The following PCDHGB4 variants were observed in gnomAD, a reference collection of about 807,000 sequenced individuals.
PCDHGB4 encodes protocadherin gamma-B4.
In PCDHGB4, 38 loss-of-function variants were observed where a neutral mutation model predicts 60.5. The observed-to-expected ratio is 0.63, with a 90% confidence interval of 0.48 to 0.82. The LOEUF (loss-of-function observed/expected upper bound fraction) is 0.82, where lower values mean the gene tolerates loss of function less well. Ranked by LOEUF, PCDHGB4 falls within the 40% of genes least tolerant of loss-of-function variation. The pLI, the probability that PCDHGB4 is intolerant of heterozygous loss-of-function variation, is 0.00. For missense variants in PCDHGB4, 1,109 were observed against 1,209.6 expected, an observed-to-expected ratio of 0.92 and a Z score of 1.23; for synonymous variants, 456 against 509.7, an observed-to-expected ratio of 0.89 and a Z score of 1.42.
At position 141,389,670 on chromosome 5, in the gene PCDHGB4, T is replaced by A. The variant is rs2091868205; in HGVS notation, c.1786T>A (p.Ser596Thr). 3 of 1,612,454 alleles carry A rather than the reference T, an allele frequency of 1.9e-6. No homozygotes were observed. The East Asian group carries it at 6.7e-5, about 36-fold the overall frequency. The change falls in exon 1 of 4, where the codon TCA becomes ACA. Residue 596 changes from serine (S) to threonine (T), a missense_variant. Around this residue, in one of 2 missense-constraint regions of PCDHGB4, gnomAD observed 1,068 missense variants for 1,089.9 expected, o/e 0.98. Transcript: ENST00000519479. ...VTKVVAVDAD[S>T]GHNAWLSYHV... is the part of the protein sequence containing the mutation. The stretch of plus-strand genomic sequence containing the variant: ...CAAGGTAGTGGCGGTGGACGCAGAC[T>A]CAGGACACAACGCCTGGCTGTCCTA...
chr5:141,403,186 C>G, intron 1 of PCDHGB4: 2 of 1,614,012 alleles, frequency 1.2e-6, no homozygotes, highest in Non-Finnish European at 1.7e-6. Flanking sequence ...TCTCTCTGAA[C>G]CCGCGCAGCG....
At chr5:141,456,815 T>A (rs867637586) in intron 1 of PCDHGB4, among the ~76,000 whole-genome samples, 5 of 151,934 alleles carry the variant, frequency 3.3e-5, no homozygotes, top group Non-Finnish European at 7.4e-5. Flanking sequence ...ATACAAAAAA[T>A]TAGCCATCGT....
intron 1 of PCDHGB4, chr5:141,420,003 T>C: frequency 6.2e-7 from 1 of 1,614,100 alleles, no homozygotes; most frequent in Non-Finnish European, 8.5e-7. Flanking sequence ...GCTCTACGCC[T>C]GCGACAGTCT....
At chr5:141,408,687 T>C (rs1394182828) in intron 1 of PCDHGB4, 3 of 1,613,928 alleles carry the variant, frequency 1.9e-6, no homozygotes, top group East Asian at 2.2e-5. Flanking sequence ...GATCCTGATA[T>C]AAACATAAAC....
chr5:141,451,797 C>T (rs1207473455), intron 1 of PCDHGB4, among the ~76,000 whole-genome samples: 1 of 152,006 alleles, frequency 6.6e-6, no homozygotes, highest in African/African-American at 2.4e-5. Context: ...CAGAGAATTG[C>T]TTGAACCCAG....
chr5:141,400,657 T>G (rs2094057580), intron 1 of PCDHGB4: 1 of 1,081,498 alleles, frequency 9.2e-7, no homozygotes, highest in African/African-American at 1.6e-5. Context: ...TGTCCTACCA[T>G]TCTTTAAGAG....
At chr5:141,403,227 G>A (rs2094378929) in intron 1 of PCDHGB4, 4 of 1,608,848 alleles carry the variant, frequency 2.5e-6, no homozygotes, top group African/African-American at 1.3e-5. Flanking sequence ...AGGATAGACC[G>A]GGAGGAGCTC....
In PCDHGB4 at chr5:141,414,656, C is replaced by A. The variant is rs1409573217; in HGVS notation, c.2397+24375C>A. The A allele has an allele frequency of 1.2e-5, 20 of 1,614,008 alleles. No individual in the cohort carries two copies. Among genetic ancestry groups the A allele is most frequent in the Non-Finnish European group, 1.7e-5 (20 of 1,179,888 alleles). On this transcript the variant is annotated intron_variant, in intron 1 of 3. Transcript: ENST00000519479. ...AAAGAGAATGCCCAGATTATTTACTCCCTGGCTGAAGACACCATCCAGGGG... is the reference window on the plus strand; with the variant it reads ...AAAGAGAATGCCCAGATTATTTACTACCTGGCTGAAGACACCATCCAGGGG...
chr5:141,428,115 G>A (rs753384738), intron 1 of PCDHGB4: 2 of 1,607,178 alleles, frequency 1.2e-6, no homozygotes, highest in Non-Finnish European at 8.5e-7. Flanking sequence ...GCAGGCCATC[G>A]AGCCCGGGCT....
chr5:141,388,752 T>C lies in PCDHGB4; in HGVS notation c.868T>C (p.Phe290Leu). 1 of 1,614,002 alleles carries C rather than the reference T, an allele frequency of 6.2e-7. No homozygotes were observed. Among genetic ancestry groups the C allele is most frequent in the East Asian group, 2.2e-5 (1 of 44,884 alleles). Residue 290 changes from phenylalanine to leucine, a missense_variant, in exon 1 of 4, where the codon TTT (phenylalanine) becomes CTT (leucine). Physicochemically the swap from Phe to Leu is conservative, Grantham distance 22. Transcript: ENST00000519479. ...SFSEASQITQ[F>L]DLNSNTGEIT... is the part of the protein sequence containing the mutation. The stretch of plus-strand genomic sequence containing the variant: ...CAGTGAAGCTAGCCAGATCACCCAA[T>C]TTGACCTGAACTCTAACACCGGGGA...
chr5:141,399,937 G>A lies in PCDHGB4; in HGVS notation c.2397+9656G>A. 1.9e-6 allele frequency: 3 copies of A among 1,612,360 alleles called. No individual in the cohort carries two copies. The highest frequency in any genetic ancestry group is 2.5e-6 in the Non-Finnish European group (3 of 1,179,744). ...ACACAACGCCTGGCTGTCCTACCAC[G>A]TGCTGCAGGCTAGCGAGCCCGGGCT... On this transcript the variant is annotated intron_variant, in intron 1 of 3. Transcript: ENST00000519479.
intron 1 of PCDHGB4, among the ~76,000 whole-genome samples, chr5:141,461,536 T>C (rs1424913303): frequency 1.3e-5 from 2 of 152,240 alleles, no homozygotes; most frequent in Non-Finnish European, 2.9e-5. Context: ...TTCTGGATAC[T>C]AGTCCTTTGT....
chr5:141,395,016 G>T, intron 1 of PCDHGB4: 1 of 1,614,068 alleles, frequency 6.2e-7, no homozygotes, highest in Admixed American at 1.7e-5. Flanking sequence ...ATTGGTAGGC[G>T]TGCCTGCCTC....
rs759809591 is a variant in PCDHGB4 at position 141,511,048 on chromosome 5, C to T, written c.2647C>T (p.Arg883Cys). The change falls in exon 4 of 4, where the codon CGC becomes TGC. Residue 883 changes from arginine (R) to cysteine (C), a missense_variant. This residue lies in a region of PCDHGB4 where 1,068 missense variants were observed against 1,089.9 expected (regional missense o/e 0.98). Coordinates refer to ENST00000519479, the MANE Select transcript of PCDHGB4 (RefSeq NM_003736.4). ...QFTLQHVPDY[R>C]QNVYIPGSNA... ...CACCCTGCAGCACGTGCCCGACTAC[C>T]GCCAGAATGTCTACATCCCAGGCAG... 9 of 1,614,224 alleles carry T rather than the reference C, an allele frequency of 5.6e-6. No individual in the cohort carries two copies. The highest frequency in any genetic ancestry group is 1.7e-5 in the Admixed American group (1 of 60,034).
chr5:141,454,865 TG>T (rs2098805228), intron 1 of PCDHGB4, among the ~76,000 whole-genome samples: 1 of 135,344 alleles, frequency 7.4e-6, no homozygotes, highest in Non-Finnish European at 1.5e-5. Flanking sequence ...TGGAGTGCAG[TG>T]GCACGATCTT....
chr5:141,398,692 AG>A, intron 1 of PCDHGB4: 1 of 1,613,942 alleles, frequency 6.2e-7, no homozygotes, highest in Non-Finnish European at 8.5e-7. Context: ...ACAGGATGGT[AG>A]TAAATACCCG....
Position 141,432,236 on chromosome 5 carries a change from G to A in PCDHGB4, c.2397+41955G>A, listed in dbSNP as rs752735346. On this transcript the variant is annotated intron_variant, in intron 1 of 3. Coordinates refer to ENST00000519479, the MANE Select transcript of PCDHGB4 (RefSeq NM_003736.4). This position sits in a 1 kb window ranked among gnomAD's most constrained non-coding sequence, Gnocchi z 6.0. ...CGCCCAGATCACTTATTCCCTGGCT[G>A]AGAACACCATCCAAGGGGCAAGCCT... is the stretch of plus-strand genomic sequence containing the variant. The A allele has an allele frequency of 8.7e-6, 14 of 1,614,130 alleles. No individual in the cohort carries two copies. The African/African-American group carries it at 9.3e-5, about 11-fold the overall frequency.
intron 1 of PCDHGB4, chr5:141,392,710 C>T: frequency 7.4e-7 from 1 of 1,345,380 alleles, no homozygotes; most frequent in Non-Finnish European, 9.8e-7. Flanking sequence ...TGGAGGCACT[C>T]CAGGTTTCCG....
At position 141,491,884 on chromosome 5, in the gene PCDHGB4, G is replaced by A. The variant is rs745931108; in HGVS notation, c.2398-2923G>A. The A allele has an allele frequency of 2.8e-6, 4 of 1,446,372 alleles. No homozygotes were observed. The highest frequency in any genetic ancestry group is 2.9e-5 in the Admixed American group (1 of 34,718). 89.6% of individuals were successfully genotyped at this position (1,446,372 alleles called of 1,614,324 possible). ...AACCAGAGTGGCCGATTAAGGGATG[G>A]GGCTCCGAGCACCGGGGGTGGTGGC... On this transcript the variant is annotated intron_variant, in intron 1 of 3. Coordinates refer to ENST00000519479, the MANE Select transcript of PCDHGB4 (RefSeq NM_003736.4). This position sits in a 1 kb window ranked among gnomAD's most constrained non-coding sequence, Gnocchi z 6.9.
Sources: allele counts gnomAD v4.1 joint callset (sites outside exome capture counted in the v4.1 genomes callset), GRCh38; gene constraint gnomAD v4.1.1; regional missense constraint gnomAD v4.1.1; non-coding constraint Gnocchi (gnomAD v3.1); transcripts MANE v1.5; gene names NCBI Gene and HGNC (gene_info 2026-07-23, HGNC 2026-07-21).